The following TLN2 variants were observed in gnomAD, a reference collection of about 807,000 sequenced individuals.
The protein encoded by TLN2 is talin-2.
A neutral mutation model predicts 294.7 loss-of-function variants in TLN2; 118 were observed. The observed-to-expected ratio is 0.40, with a 90% CI of 0.34 to 0.47. The LOEUF is 0.47. Ranked by LOEUF, TLN2 falls within the 20% of genes least tolerant of loss-of-function variation. The probability of loss-of-function intolerance (pLI) is 0.84; values close to 1 mark genes in which losing one functional copy is unlikely to be tolerated. For missense variants in TLN2, 3,083 were observed against 3,282.2 expected, an observed-to-expected ratio of 0.94 and a Z score of 1.48; for synonymous variants, 1,431 against 1,304.5, an observed-to-expected ratio of 1.10 and a Z score of -2.09.
At chr15:62,431,059 A>G (rs138091319) in intron 1 of TLN2, among the ~76,000 whole-genome samples, 1 of 152,220 alleles carries the variant, frequency 6.6e-6, no homozygotes, top group East Asian at 1.9e-4. Context: ...AGAAATAATG[A>G]CCTTGAGCTG....
At chr15:62,762,604 G>A in intron 39 of TLN2, 151 bp downstream of exon 39, 2 of 849,912 alleles carry the variant, frequency 2.4e-6, no homozygotes, top group Non-Finnish European at 3.6e-6. Flanking sequence ...GGTCACAATA[G>A]TAATTGCTAA....
chr15:62,416,228 G>A (rs1253875248), intron 1 of TLN2, among the ~76,000 whole-genome samples: 1 of 152,176 alleles, frequency 6.6e-6, no homozygotes, highest in African/African-American at 2.4e-5. Context: ...AAGCCCAGGA[G>A]GTCAAGGCTG....
At chr15:62,539,899 CAAAAA>C (rs529006528) in intron 1 of TLN2, among the ~76,000 whole-genome samples, 1 of 111,214 alleles carries the variant, frequency 9.0e-6, no homozygotes. Context: ...CACAGGAGAC[CAAAAA>C]AAAAAAAAAA....
Position 62,843,396 on chromosome 15 carries a change from A to T in TLN2, c.*2786A>T, listed in dbSNP as rs1295335791. 6.6e-6 allele frequency: 1 copy of T among 152,266 alleles called. No homozygotes were observed. Among genetic ancestry groups the T allele is most frequent in the East Asian group, 1.9e-4 (1 of 5,196 alleles). The allele number at this position is 152,266 out of a possible 1,614,324, so 9.4% of individuals were successfully genotyped here. On this transcript the variant is annotated 3_prime_UTR_variant, in exon 59 of 59. Coordinates refer to ENST00000636159, the MANE Select transcript of TLN2 (RefSeq NM_015059.3). ...TGAGGTCATATTTAGTTCAATGAAC[A>T]GCCCTTGTTTAAGTTTTGCCAGTGT... is the stretch of plus-strand genomic sequence containing the variant.
chr15:62,747,358 T>A (rs903833150), intron 32 of TLN2, among the ~76,000 whole-genome samples: 1 of 152,226 alleles, frequency 6.6e-6, no homozygotes, highest in African/African-American at 2.4e-5. Flanking sequence ...TTATTTCTGT[T>A]AATGTTAACA....
chr15:62,602,269 G>A (rs970664187), intron 2 of TLN2, among the ~76,000 whole-genome samples: 1 of 152,138 alleles, frequency 6.6e-6, no homozygotes, highest in Non-Finnish European at 1.5e-5. Flanking sequence ...CAAAAATCCA[G>A]TTCTCAGTGA....
intron 57 of TLN2, 27 bp from the exon 58 acceptor site, chr15:62,838,829 A>G (rs1258880667): frequency 7.5e-6 from 12 of 1,605,680 alleles, no homozygotes; most frequent in South Asian, 4.4e-5. Flanking sequence ...TTCTAATGAT[A>G]TAATGTATGT....
chr15:62,801,058 A>G (rs1878782), intron 50 of TLN2, among the ~76,000 whole-genome samples: 23,391 of 152,230 alleles, frequency 0.15, 1,906 homozygotes, highest in South Asian at 0.22. Flanking sequence ...ATTGTCAAAG[A>G]TTCCTGGAAA....
intron 1 of TLN2, among the ~76,000 whole-genome samples, chr15:62,463,713 G>A (rs937070673): frequency 2.6e-5 from 4 of 152,106 alleles, no homozygotes; most frequent in African/African-American, 9.7e-5. Flanking sequence ...GTGAAACCCC[G>A]TCTCTACTAA....
In TLN2 at chr15:62,565,448, T is replaced by C. The variant is rs1423001542; in HGVS notation, c.-237-24239T>C. Among the ~76,000 whole-genome samples the C allele has an allele frequency of 2.0e-5, 3 of 152,166 alleles. No homozygotes were observed. The East Asian group carries it at 5.8e-4, about 29-fold the overall frequency. ...GGCATCATTGCCCAATAGAGGGATT[T>C]AGGGGATCTGTGCTAATGGATATTT... On this transcript the variant is annotated intron_variant, in intron 1 of 58. Transcript: ENST00000636159.
intron 1 of TLN2, among the ~76,000 whole-genome samples, chr15:62,563,335 C>T (rs2043136661): frequency 6.6e-6 from 1 of 152,136 alleles, no homozygotes; most frequent in Non-Finnish European, 1.5e-5. Flanking sequence ...ATTTGCATTT[C>T]CCTGATCATT....
At chr15:62,475,338 G>A (rs928368372) in intron 1 of TLN2, among the ~76,000 whole-genome samples, 4 of 152,198 alleles carry the variant, frequency 2.6e-5, no homozygotes, top group Non-Finnish European at 5.9e-5. Flanking sequence ...GGACACCTGA[G>A]TTTTATCACG....
At chr15:62,679,866 A>G (rs962871622) in intron 11 of TLN2, among the ~76,000 whole-genome samples, 1 of 152,150 alleles carries the variant, frequency 6.6e-6, no homozygotes, top group African/African-American at 2.4e-5. Context: ...ATGCAATTTT[A>G]TCATATTTAT....
chr15:62,735,018 AT>A (rs1256305007), intron 28 of TLN2, among the ~76,000 whole-genome samples: 1 of 152,196 alleles, frequency 6.6e-6, no homozygotes, highest in Non-Finnish European at 1.5e-5. Context: ...AGAGACACTG[AT>A]TTGCGTATTT....
At chr15:62,693,970 T>TG (rs1391910716) in intron 13 of TLN2, among the ~76,000 whole-genome samples, 92 of 123,240 alleles carry the variant, frequency 7.5e-4, no homozygotes, top group East Asian at 5.8e-3. Context: ...TTTTTTTTTT[T>TG]TTTTTTTTTT....
intron 1 of TLN2, among the ~76,000 whole-genome samples, chr15:62,518,360 A>AG (rs2070410154): frequency 1.3e-5 from 2 of 152,066 alleles, no homozygotes; most frequent in African/African-American, 2.4e-5. Context: ...TTTGTGTCGG[A>AG]GGCAGGAAGG....
intron 1 of TLN2, among the ~76,000 whole-genome samples, chr15:62,463,042 G>A (rs891506908): frequency 5.3e-5 from 8 of 152,182 alleles, no homozygotes; most frequent in African/African-American, 1.9e-4. Flanking sequence ...CGTCAGAGTA[G>A]GGGTGCCTCT....
intron 1 of TLN2, among the ~76,000 whole-genome samples, chr15:62,472,582 G>T (rs1346964554): frequency 6.6e-6 from 1 of 152,158 alleles, no homozygotes; most frequent in African/African-American, 2.4e-5. Flanking sequence ...TTTGGCTATT[G>T]TAACTAAAAC....
At chr15:62,734,283 A>G (rs1272313349) in intron 28 of TLN2, among the ~76,000 whole-genome samples, 1 of 152,246 alleles carries the variant, frequency 6.6e-6, no homozygotes, top group Admixed American at 6.5e-5. Flanking sequence ...TGACTCAAAT[A>G]GAAGTGGATT....
Sources: allele counts gnomAD v4.1 joint callset (sites outside exome capture counted in the v4.1 genomes callset), GRCh38; gene constraint gnomAD v4.1.1; transcripts MANE v1.5; gene names NCBI Gene and HGNC (gene_info 2026-07-23, HGNC 2026-07-21).